Variants in PPP1R21 observed in about 807,000 individuals in gnomAD.
PPP1R21 encodes KLRAQ motif containing 1.
PPP1R21 carries 85 observed loss-of-function variants against 112.8 expected under a neutral mutation model. That is an observed-to-expected ratio of 0.75 (90% CI 0.63 to 0.90). The LOEUF is 0.90. Among genes scored for constraint, PPP1R21 ranks in the 40% least tolerant of loss-of-function variants. PPP1R21 has a pLI of 0.00. For synonymous variants in PPP1R21, 381 were observed against 322.3 expected (o/e 1.18, Z -1.95); for missense variants, 1,199 against 901.5 (o/e 1.33, Z -4.23).
At chr2:48,504,347 T>G (rs919170277) in intron 17 of PPP1R21, among the ~76,000 whole-genome samples, 7 of 152,252 alleles carry the variant, frequency 4.6e-5, no homozygotes, top group African/African-American at 1.7e-4. Flanking sequence ...TAGAATACAT[T>G]AAAACTGTCT....
chr2:48,463,651 A>G (rs562382814), intron 7 of PPP1R21, among the ~76,000 whole-genome samples: 1 of 152,066 alleles, frequency 6.6e-6, no homozygotes, highest in African/African-American at 2.4e-5. Context: ...AATGGAAGAG[A>G]CTCACTGTGG....
chr2:48,476,153 C>T (rs1002932703), intron 12 of PPP1R21, among the ~76,000 whole-genome samples: 15 of 152,148 alleles, frequency 9.9e-5, no homozygotes, highest in Non-Finnish European at 1.8e-4. Flanking sequence ...TAGTAATTTA[C>T]ATTCTGGCTA....
intron 17 of PPP1R21, among the ~76,000 whole-genome samples, chr2:48,504,486 A>G (rs1670280129): frequency 6.6e-6 from 1 of 152,108 alleles, no homozygotes; most frequent in South Asian, 2.1e-4. Flanking sequence ...CTAAAGATAC[A>G]AAAAATTAGC....
At chr2:48,479,875 C>T (rs753141547) in intron 12 of PPP1R21, 49 bp from the exon 13 acceptor site, 1 of 1,084,556 alleles carries the variant, frequency 9.2e-7, no homozygotes, top group Admixed American at 1.7e-5. Flanking sequence ...ATACAATGGG[C>T]AGTCCATTTT....
chr2:48,510,581 C>A (rs371507205), intron 20 of PPP1R21, among the ~76,000 whole-genome samples: 2 of 152,220 alleles, frequency 1.3e-5, no homozygotes, highest in Non-Finnish European at 2.9e-5. Context: ...AAGGAAAAAA[C>A]ACAGCACTAC....
intron 17 of PPP1R21, among the ~76,000 whole-genome samples, chr2:48,499,988 G>A (rs1465492867): frequency 6.6e-6 from 1 of 152,102 alleles, no homozygotes; most frequent in Admixed American, 6.6e-5. Flanking sequence ...AAGCCATGGT[G>A]CTTCTTGAAG....
chr2:48,486,991 A>T (rs1669331421), intron 14 of PPP1R21, among the ~76,000 whole-genome samples: 1 of 152,134 alleles, frequency 6.6e-6, no homozygotes, highest in Admixed American at 6.5e-5. Flanking sequence ...GACTCAGGGG[A>T]GTCTCCTGGG....
chr2:48,498,547 A>G lies in PPP1R21; in HGVS notation c.1747A>G (p.Met583Val). 1 of 1,614,170 alleles carries G rather than the reference A, an allele frequency of 6.2e-7. No individual in the cohort carries two copies. The highest frequency in any genetic ancestry group is 1.1e-5 in the South Asian group (1 of 91,088). ...ACTGGAGCAGGAAAAAGAACATTGG[A>G]TGTTGGAAGCACAATTAGCCAAAAT... Reference protein sequence around the residue: ...SKLEQEKEHWMLEAQLAKIKL... With the variant: ...SKLEQEKEHWVLEAQLAKIKL... Residue 583 changes from methionine to valine, a missense_variant, in exon 17 of 22, where the codon ATG becomes GTG. Physicochemically the swap from Met to Val is conservative, Grantham distance 21. Coordinates refer to ENST00000294952, the MANE Select transcript of PPP1R21 (RefSeq NM_001135629.3).
intron 9 of PPP1R21, among the ~76,000 whole-genome samples, chr2:48,466,883 T>G (rs1486958485): frequency 6.6e-6 from 1 of 152,064 alleles, no homozygotes; most frequent in African/African-American, 2.4e-5. Context: ...AGAGAAAAAA[T>G]GGCTCCAGGT....
In PPP1R21 at chr2:48,493,848, T is replaced by A. The variant is rs10185212; in HGVS notation, c.1600-1831T>A. 3.0e-3 allele frequency among the ~76,000 whole-genome samples: 455 copies of A among 152,006 alleles called. 2 individuals are homozygous for A. Among genetic ancestry groups the A allele is most frequent in the Middle Eastern group, 0.014 (4 of 294 alleles). ...TCTTCATCTATTTTGGTGCAAGTCC[T>A]TATGGTTTTAGTTAGTGTAGCTTAT... is the stretch of plus-strand genomic sequence containing the variant. On this transcript the variant is annotated intron_variant, in intron 15 of 21. Transcript: ENST00000294952.
At chr2:48,493,848 T>G (rs10185212) in intron 15 of PPP1R21, among the ~76,000 whole-genome samples, 145,874 of 151,996 alleles carry the variant, frequency 0.96, 70,280 homozygotes, top group Non-Finnish European at 0.99. Flanking sequence ...GTGCAAGTCC[T>G]TATGGTTTTA....
At chr2:48,453,818 A>G (rs1667590619) in intron 2 of PPP1R21, among the ~76,000 whole-genome samples, 1 of 152,272 alleles carries the variant, frequency 6.6e-6, no homozygotes, top group African/African-American at 2.4e-5. Flanking sequence ...ATGTCAGAAT[A>G]GTTGAAGAAC....
In PPP1R21 at chr2:48,479,982, T is replaced by C. The variant is rs1337461903; in HGVS notation, c.1284T>C (p.Gly428=). 6 of 1,613,156 alleles carry C rather than the reference T, an allele frequency of 3.7e-6. No homozygotes were observed. Among genetic ancestry groups the C allele is most frequent in the Non-Finnish European group, 4.2e-6 (5 of 1,179,192 alleles). The change falls in exon 13 of 22, where the codon GGT becomes GGC. Residue 428 remains glycine (G), a synonymous_variant. Coordinates refer to ENST00000294952, the MANE Select transcript of PPP1R21 (RefSeq NM_001135629.3). ...TNYSSVLTNV[G]AALHGFHDVM... ...ACAGTTCTGTGTTAACAAATGTTGG[T>C]GCTGCTCTGCATGGATTTCATGACG...
chr2:48,472,994 C>T lies in PPP1R21; in HGVS notation c.1088+1627C>T, dbSNP rs373135533. ...TTATATCAGCCTGGGTGATAGAGTC[C>T]CTGTCTCTTAAAAAAAAAAAAAAAG... On this transcript the variant is annotated intron_variant, in intron 11 of 21. Coordinates refer to ENST00000294952, the MANE Select transcript of PPP1R21 (RefSeq NM_001135629.3). 3.3e-3 allele frequency among the ~76,000 whole-genome samples: 483 copies of T among 146,010 alleles called. 7 individuals are homozygous for T. Among genetic ancestry groups the T allele is most frequent in the African/African-American group, 0.012 (458 of 39,694 alleles).
At chr2:48,456,761 A>G (rs1240084079) in intron 3 of PPP1R21, among the ~76,000 whole-genome samples, 1 of 152,192 alleles carries the variant, frequency 6.6e-6, no homozygotes, top group Non-Finnish European at 1.5e-5. Context: ...TTTTCAAGAT[A>G]TACATACCAG....
chr2:48,501,362 C>G (rs1670103380), intron 17 of PPP1R21, among the ~76,000 whole-genome samples: 1 of 152,164 alleles, frequency 6.6e-6, no homozygotes, highest in South Asian at 2.1e-4. Flanking sequence ...GGTGGCCAGA[C>G]TAGACCAGGG....
At chr2:48,498,804 C>T (rs1669969690) in intron 17 of PPP1R21, 69 bp downstream of exon 17, 6 of 1,474,862 alleles carry the variant, frequency 4.1e-6, no homozygotes, top group African/African-American at 1.4e-5. Context: ...TAATGTTCAA[C>T]ATTAACCATT....
chr2:48,495,894 G>GTT, intron 16 of PPP1R21, 123 bp downstream of exon 16: 1 of 605,564 alleles, frequency 1.7e-6, no homozygotes. Flanking sequence ...GAAATGAATT[G>GTT]TTTAATACAT....
intron 11 of PPP1R21, 33 bp from the exon 12 acceptor site, chr2:48,474,650 A>G (rs369602513): frequency 6.3e-7 from 1 of 1,584,720 alleles, no homozygotes; most frequent in Non-Finnish European, 8.6e-7. Flanking sequence ...ATCGTTTGGG[A>G]TGCTCACTTC....
Sources: allele counts gnomAD v4.1 joint callset (sites outside exome capture counted in the v4.1 genomes callset), GRCh38; gene constraint gnomAD v4.1.1; transcripts MANE v1.5; gene names NCBI Gene and HGNC (gene_info 2026-07-23, HGNC 2026-07-21).